MAGI2: variants seen among roughly 807,000 people sequenced by gnomAD.
The protein encoded by MAGI2 is membrane-associated guanylate kinase, WW and PDZ domain-containing protein 2.
MAGI2 carries 35 observed loss-of-function variants against 133.3 expected under a neutral mutation model. The observed-to-expected ratio is 0.26, with a 90% CI of 0.20 to 0.35. MAGI2 has a LOEUF of 0.35. Among genes scored for constraint, MAGI2 ranks in the 10% least tolerant of loss-of-function variants. MAGI2 has a pLI of 1.00. For synonymous variants in MAGI2, 729 were observed against 710.6 expected, an observed-to-expected ratio of 1.03 and a Z score of -0.41; for missense variants, 1,636 against 1,863.4, an observed-to-expected ratio of 0.88 and a Z score of 2.25.
chr7:78,823,204 CA>C (rs1403710270), intron 2 of MAGI2, among the ~76,000 whole-genome samples: 1 of 152,118 alleles, frequency 6.6e-6, no homozygotes, highest in Non-Finnish European at 1.5e-5. Context: ...CTTGTCATTG[CA>C]GAGTGGAACT....
At chr7:79,157,941 A>AGTGT (rs60535225) in intron 1 of MAGI2, among the ~76,000 whole-genome samples, 188 of 134,968 alleles carry the variant, frequency 1.4e-3, no homozygotes, top group East Asian at 3.2e-3. Flanking sequence ...TCTTTGTGTG[A>AGTGT]GTGTGTGTGT....
rs66484577 is a variant in MAGI2 at position 78,244,829 on chromosome 7, CAA to C, written c.2047+11112_2047+11113del. Among the ~76,000 whole-genome samples the C allele has an allele frequency of 4.5e-4, 66 of 146,042 alleles. No homozygotes were observed. The East Asian group carries it at 4.7e-3, about 10-fold the overall frequency. On this transcript the variant is annotated intron_variant, in intron 10 of 21. Coordinates refer to ENST00000354212, the MANE Select transcript of MAGI2 (RefSeq NM_012301.4). ...AAATAATAATCATCTCCAAAGATGG[CAA>C]AAAAAAAAGCTTTGTATAAAATTTA...
At chr7:78,055,475 G>A (rs1812468006) in intron 21 of MAGI2, among the ~76,000 whole-genome samples, 1 of 152,244 alleles carries the variant, frequency 6.6e-6, no homozygotes. Flanking sequence ...ACCTAGAGTG[G>A]CTGTCAAGAC....
chr7:79,312,758 A>G (rs942743423), intron 1 of MAGI2, among the ~76,000 whole-genome samples: 2 of 152,222 alleles, frequency 1.3e-5, no homozygotes, highest in African/African-American at 4.8e-5. Flanking sequence ...TGGCATGAAG[A>G]GCACTGTCAA....
At chr7:78,656,271 C>G (rs1812264022) in intron 2 of MAGI2, among the ~76,000 whole-genome samples, 1 of 152,104 alleles carries the variant, frequency 6.6e-6, no homozygotes, top group South Asian at 2.1e-4. Flanking sequence ...TGGTATTTTT[C>G]TCATTGGAAT....
At chr7:78,865,689 A>G (rs1421803536) in intron 2 of MAGI2, among the ~76,000 whole-genome samples, 1 of 152,200 alleles carries the variant, frequency 6.6e-6, no homozygotes, top group Admixed American at 6.5e-5. Flanking sequence ...ATGAGAAAGA[A>G]AATAGCATTT....
At chr7:78,622,821 A>G (rs774643300) in intron 3 of MAGI2, among the ~76,000 whole-genome samples, 3 of 152,006 alleles carry the variant, frequency 2.0e-5, no homozygotes, top group Non-Finnish European at 4.4e-5. Flanking sequence ...TTATTAATCC[A>G]TGTATACAAT....
At chr7:78,143,039 C>T (rs890092819) in intron 16 of MAGI2, among the ~76,000 whole-genome samples, 14 of 152,052 alleles carry the variant, frequency 9.2e-5, no homozygotes, top group African/African-American at 3.1e-4. Flanking sequence ...TTGCATTTTT[C>T]GCAAAGACTC....
At chr7:78,733,584 ATTTAT>A (rs1224426791) in intron 2 of MAGI2, among the ~76,000 whole-genome samples, 2 of 152,200 alleles carry the variant, frequency 1.3e-5, no homozygotes, top group African/African-American at 4.8e-5. Flanking sequence ...GAAATCAATA[ATTTAT>A]TTTAAGAAAA....
In MAGI2 at chr7:78,297,746, G is replaced by A. The variant is rs201863646; in HGVS notation, c.1409-41165C>T. ...TCACAAGAACAAAAAACCAAACACC[G>A]CATATTCTCACTCATAGGTGGGAAT... is the stretch of plus-strand genomic sequence containing the variant. On this transcript the variant is annotated intron_variant, in intron 9 of 21. Coordinates refer to ENST00000354212, the MANE Select transcript of MAGI2 (RefSeq NM_012301.4). 3.9e-3 allele frequency among the ~76,000 whole-genome samples: 581 copies of A among 149,284 alleles called. 6 individuals carry two copies. Among genetic ancestry groups the A allele is most frequent in the East Asian group, 0.025 (127 of 4,990 alleles).
intron 10 of MAGI2, among the ~76,000 whole-genome samples, chr7:78,244,368 AAAAAATTAAT>A (rs1791534137): frequency 6.6e-6 from 1 of 151,984 alleles, no homozygotes; most frequent in South Asian, 2.1e-4. Flanking sequence ...GAAACTCTAA[AAAAAATTAAT>A]TACTATGGAA....
chr7:78,312,983 CAT>C (rs1554338623), intron 9 of MAGI2, among the ~76,000 whole-genome samples: 1 of 151,312 alleles, frequency 6.6e-6, no homozygotes, highest in Non-Finnish European at 1.5e-5. Context: ...CACACACACA[CAT>C]CGCATAGAAT....
chr7:79,338,699 T>C (rs555390403), intron 1 of MAGI2, among the ~76,000 whole-genome samples: 143 of 152,274 alleles, frequency 9.4e-4, no homozygotes, highest in African/African-American at 3.3e-3. Flanking sequence ...CTAGGACCCC[T>C]AAATATGTTG....
intron 1 of MAGI2, chr7:79,414,722 T>A (rs1467693256): frequency 6.6e-6 from 1 of 152,184 alleles, no homozygotes; most frequent in Non-Finnish European, 1.5e-5. Flanking sequence ...TATATATAAA[T>A]GTATCTGTTG....
chr7:79,302,748 G>C lies in MAGI2; in HGVS notation c.301+150272C>G, dbSNP rs146054567. On this transcript the variant is annotated intron_variant, in intron 1 of 21. Transcript: ENST00000354212. ...AGTAGCAGGCCTGGTTAGAGGATTAGAGACTTTCAGAATAGTGCTTGACAA... is the reference window on the plus strand; with the variant it reads ...AGTAGCAGGCCTGGTTAGAGGATTACAGACTTTCAGAATAGTGCTTGACAA... Among the ~76,000 whole-genome samples the C allele has an allele frequency of 1.9e-3, 295 of 152,304 alleles. 1 individual carries two copies. The highest frequency in any genetic ancestry group is 0.011 in the East Asian group (58 of 5,172).
intron 1 of MAGI2, among the ~76,000 whole-genome samples, chr7:79,024,452 G>A (rs770907270): frequency 6.6e-6 from 1 of 151,990 alleles, no homozygotes; most frequent in Non-Finnish European, 1.5e-5. Context: ...GCCACCAATA[G>A]CAATTGCAAC....
intron 7 of MAGI2, among the ~76,000 whole-genome samples, chr7:78,357,495 A>C (rs1182989438): frequency 6.6e-6 from 1 of 152,202 alleles, no homozygotes; most frequent in Non-Finnish European, 1.5e-5. Context: ...CATTTTATTT[A>C]TCTGAAAATA....
intron 21 of MAGI2, among the ~76,000 whole-genome samples, chr7:78,065,014 T>A (rs1030977229): frequency 6.6e-6 from 1 of 150,870 alleles, no homozygotes; most frequent in East Asian, 1.9e-4. Context: ...GCCCTTAAAA[T>A]TTTTTTTTTC....
intron 7 of MAGI2, among the ~76,000 whole-genome samples, chr7:78,368,167 A>G (rs1027812644): frequency 6.6e-5 from 10 of 152,354 alleles, no homozygotes; most frequent in South Asian, 4.1e-4. Context: ...CAGAGAGCAC[A>G]CAGATTTTAC....
Sources: gnomAD v4.1 joint callset for allele counts (sites outside exome capture counted in the v4.1 genomes callset) on GRCh38, gnomAD v4.1.1 for gene constraint, MANE v1.5 for transcripts, NCBI Gene and HGNC (gene_info 2026-07-23, HGNC 2026-07-21) for gene names.